The following SGCZ variants were observed in gnomAD, a reference collection of about 807,000 sequenced individuals.
The protein encoded by SGCZ is zeta-sarcoglycan.
A neutral mutation model predicts 41.3 loss-of-function variants in SGCZ; 40 were observed. The observed-to-expected ratio is 0.97, with a 90% CI of 0.75 to 1.26. The LOEUF is 1.26. Among genes scored for constraint, SGCZ ranks in the 50% most tolerant of loss-of-function variants. SGCZ has a pLI of 0.00. For synonymous variants in SGCZ, 206 were observed against 137.5 expected (o/e 1.50, Z -3.49); for missense variants, 552 against 369.8 (o/e 1.49, Z -4.04).
chr8:14,202,607 A>C (rs1805491121), intron 4 of SGCZ, among the ~76,000 whole-genome samples: 2 of 152,178 alleles, frequency 1.3e-5, no homozygotes, highest in African/African-American at 4.8e-5. Flanking sequence ...TTGGTATGAG[A>C]ATAAATGCAA....
At chr8:15,191,065 C>T (rs1800520857) in intron 1 of SGCZ, among the ~76,000 whole-genome samples, 2 of 151,894 alleles carry the variant, frequency 1.3e-5, no homozygotes, top group African/African-American at 4.8e-5. Flanking sequence ...AAAAACTCCC[C>T]AATATACTTT....
intron 3 of SGCZ, among the ~76,000 whole-genome samples, chr8:14,269,747 T>A (rs1799999565): frequency 6.6e-6 from 1 of 152,222 alleles, no homozygotes; most frequent in South Asian, 2.1e-4. Context: ...ACAAATGAGA[T>A]ATGAAGAAGA....
At chr8:14,106,851 T>C (rs767837399) in intron 6 of SGCZ, among the ~76,000 whole-genome samples, 12 of 152,214 alleles carry the variant, frequency 7.9e-5, no homozygotes, top group Non-Finnish European at 1.6e-4. Flanking sequence ...AGTAAGTGCA[T>C]TTCAGAATGT....
intron 2 of SGCZ, among the ~76,000 whole-genome samples, chr8:14,346,495 G>A (rs181090062): frequency 2.6e-5 from 4 of 152,002 alleles, no homozygotes; most frequent in Non-Finnish European, 5.9e-5. Context: ...AAGGAGGCTG[G>A]TTAGGTGAAC....
intron 1 of SGCZ, among the ~76,000 whole-genome samples, chr8:14,821,008 G>A (rs573390704): frequency 7.3e-5 from 11 of 150,494 alleles, no homozygotes; most frequent in South Asian, 2.1e-4. Context: ...GTAAAATAGC[G>A]ATTCAAAAAA....
At chr8:14,233,912 G>A (rs1401340233) in intron 4 of SGCZ, among the ~76,000 whole-genome samples, 1 of 151,840 alleles carries the variant, frequency 6.6e-6, no homozygotes, top group Admixed American at 6.6e-5. Flanking sequence ...TTGGGATGTT[G>A]TACTTTCTTT....
intron 2 of SGCZ, among the ~76,000 whole-genome samples, chr8:14,387,295 T>C (rs1405787612): frequency 6.6e-6 from 1 of 152,114 alleles, no homozygotes; most frequent in East Asian, 1.9e-4. Context: ...CAAGAAATCC[T>C]CCCATCCTGG....
intron 1 of SGCZ, among the ~76,000 whole-genome samples, chr8:14,728,975 CT>C (rs879577852): frequency 4.6e-5 from 7 of 152,244 alleles, no homozygotes; most frequent in Admixed American, 2.6e-4. Context: ...GTCAATGCCC[CT>C]GAGTAACCTT....
At chr8:14,787,235 A>C (rs1800797435) in intron 1 of SGCZ, among the ~76,000 whole-genome samples, 1 of 152,246 alleles carries the variant, frequency 6.6e-6, no homozygotes, top group Non-Finnish European at 1.5e-5. Context: ...ACTTCGGGGG[A>C]AATGTCAGCA....
intron 2 of SGCZ, among the ~76,000 whole-genome samples, chr8:14,444,046 A>C (rs1800354942): frequency 6.6e-6 from 1 of 152,218 alleles, no homozygotes; most frequent in Admixed American, 6.5e-5. Context: ...ATGCAGCCAA[A>C]AGACACATGA....
chr8:14,341,761 C>T (rs577110725), intron 2 of SGCZ, among the ~76,000 whole-genome samples: 6 of 152,206 alleles, frequency 3.9e-5, no homozygotes, highest in East Asian at 1.9e-4. Context: ...TGGGTTTAAT[C>T]GGGGGTTTTC....
intron 1 of SGCZ, among the ~76,000 whole-genome samples, chr8:15,180,744 G>A (rs921577790): frequency 9.5e-5 from 14 of 147,250 alleles, no homozygotes; most frequent in African/African-American, 1.2e-4. Flanking sequence ...AAAATTAGCC[G>A]GGCATGGTGG....
At chr8:14,827,684 T>A (rs1289895443) in intron 1 of SGCZ, among the ~76,000 whole-genome samples, 1 of 152,188 alleles carries the variant, frequency 6.6e-6, no homozygotes, top group South Asian at 2.1e-4. Flanking sequence ...GCCTTAAATA[T>A]TTACTATCTA....
chr8:14,561,712 A>G (rs1425348406), intron 1 of SGCZ, among the ~76,000 whole-genome samples: 1 of 152,102 alleles, frequency 6.6e-6, no homozygotes, highest in Non-Finnish European at 1.5e-5. Context: ...ATATTACTTT[A>G]AATGCATTTA....
At chr8:15,211,389 A>T (rs776567949) in intron 1 of SGCZ, among the ~76,000 whole-genome samples, 1 of 151,952 alleles carries the variant, frequency 6.6e-6, no homozygotes, top group African/African-American at 2.4e-5. Flanking sequence ...TTTGAAGTCT[A>T]TTCTTTTTCT....
intron 1 of SGCZ, among the ~76,000 whole-genome samples, chr8:15,215,681 G>A (rs1306603775): frequency 6.6e-6 from 1 of 152,144 alleles, no homozygotes; most frequent in African/African-American, 2.4e-5. Context: ...AAGACAAGCT[G>A]AACTGAAACT....
intron 4 of SGCZ, among the ~76,000 whole-genome samples, chr8:14,172,718 A>G (rs138335937): frequency 1.7e-3 from 261 of 152,252 alleles, no homozygotes; most frequent in Non-Finnish European, 2.6e-3. Flanking sequence ...AATAGAGCCC[A>G]TCGGTGTTGG....
chr8:14,370,716 T>C (rs1318452116), intron 2 of SGCZ, among the ~76,000 whole-genome samples: 1 of 151,946 alleles, frequency 6.6e-6, no homozygotes, highest in African/African-American at 2.4e-5. Context: ...GAGACTTGAT[T>C]TTTTTCTGTC....
chr8:15,025,673 A>C (rs1008275742), intron 1 of SGCZ, among the ~76,000 whole-genome samples: 2 of 152,188 alleles, frequency 1.3e-5, no homozygotes, highest in Non-Finnish European at 2.9e-5. Flanking sequence ...AAGGATTGAG[A>C]TTTTGGTCTT....
Sources: gnomAD v4.1 joint callset for allele counts (sites outside exome capture counted in the v4.1 genomes callset) on GRCh38, gnomAD v4.1.1 for gene constraint, MANE v1.5 for transcripts, NCBI Gene and HGNC (gene_info 2026-07-23, HGNC 2026-07-21) for gene names.